The following UNC5D variants were observed in gnomAD, a reference collection of about 807,000 sequenced individuals.
The protein encoded by UNC5D is unc-5 netrin receptor D, also known as netrin receptor UNC5D.
Under a neutral mutation model 105.4 loss-of-function variants are expected in UNC5D, and 39 were observed. The observed-to-expected ratio is 0.37, with a 90% CI of 0.29 to 0.48. UNC5D has a LOEUF of 0.48. Among genes scored for constraint, UNC5D ranks in the 20% least tolerant of loss-of-function variants. The pLI is 0.98. For missense variants in UNC5D, 991 were observed against 1,202.4 expected (o/e 0.82, Z 2.60); for synonymous variants, 452 against 450.4 (o/e 1.00, Z -0.04).
In UNC5D at chr8:35,711,064, G is replaced by A. The variant is rs374289506; in HGVS notation, c.1117+5103G>A. On this transcript the variant is annotated intron_variant, in intron 8 of 16. Transcript: ENST00000404895. ...CGCCATTCTCCTGCCTCAGCCTCCCGAGTAGCTGGGATTACAGGCGTGAGC... is the reference window on the plus strand; with the variant it reads ...CGCCATTCTCCTGCCTCAGCCTCCCAAGTAGCTGGGATTACAGGCGTGAGC... 2.4e-4 allele frequency among the ~76,000 whole-genome samples: 29 copies of A among 118,450 alleles called. 2 individuals carry two copies. Among genetic ancestry groups the A allele is most frequent in the East Asian group, 1.9e-3 (7 of 3,646 alleles). 77.7% of individuals were successfully genotyped at this position (118,450 alleles called of 152,430 possible).
intron 1 of UNC5D, among the ~76,000 whole-genome samples, chr8:35,393,422 C>T (rs951866178): frequency 7.9e-5 from 12 of 151,974 alleles, no homozygotes; most frequent in East Asian, 1.9e-4. Flanking sequence ...CATGAGCCAC[C>T]GCGCCCGGCC....
chr8:35,283,993 G>A (rs1308136669), intron 1 of UNC5D, among the ~76,000 whole-genome samples: 2 of 152,086 alleles, frequency 1.3e-5, no homozygotes, highest in Non-Finnish European at 2.9e-5. Flanking sequence ...GTTTTAACAA[G>A]AGTAATTTCT....
chr8:35,401,838 C>T (rs990969578), intron 1 of UNC5D, among the ~76,000 whole-genome samples: 6 of 152,156 alleles, frequency 3.9e-5, no homozygotes, highest in African/African-American at 1.4e-4. Context: ...TTTCTGAAGC[C>T]TTCAAAAGAA....
intron 1 of UNC5D, among the ~76,000 whole-genome samples, chr8:35,326,949 ACAT>A (rs1810212466): frequency 6.6e-6 from 1 of 152,196 alleles, no homozygotes; most frequent in African/African-American, 2.4e-5. Context: ...CCCTGAGGTA[ACAT>A]CATATTTAAT....
chr8:35,412,602 T>C (rs1805248204), intron 1 of UNC5D, among the ~76,000 whole-genome samples: 1 of 152,040 alleles, frequency 6.6e-6, no homozygotes, highest in Non-Finnish European at 1.5e-5. Context: ...ATGATAAAAG[T>C]GTCATCTTCC....
chr8:35,418,239 C>T (rs1233085267), intron 1 of UNC5D, among the ~76,000 whole-genome samples: 1 of 152,106 alleles, frequency 6.6e-6, no homozygotes, highest in Non-Finnish European at 1.5e-5. Context: ...ATTTTGGTAA[C>T]CCCTGCCTCC....
intron 1 of UNC5D, among the ~76,000 whole-genome samples, chr8:35,272,881 C>T (rs1805516386): frequency 6.6e-6 from 1 of 152,174 alleles, no homozygotes; most frequent in African/African-American, 2.4e-5. Context: ...TGTGTAGTGC[C>T]TAGTGGGACT....
chr8:35,768,609 C>A (rs1483682859), intron 15 of UNC5D, among the ~76,000 whole-genome samples: 2 of 152,142 alleles, frequency 1.3e-5, no homozygotes, highest in Non-Finnish European at 2.9e-5. Context: ...TAAAGGCATC[C>A]AGATATTAGT....
chr8:35,620,524 C>G (rs762630281), intron 4 of UNC5D, among the ~76,000 whole-genome samples: 37 of 152,132 alleles, frequency 2.4e-4, no homozygotes, highest in African/African-American at 8.9e-4. Flanking sequence ...CCCTTACCCC[C>G]ACTGTTCCGA....
At chr8:35,325,178 A>G (rs147692790) in intron 1 of UNC5D, among the ~76,000 whole-genome samples, 11 of 152,326 alleles carry the variant, frequency 7.2e-5, no homozygotes, top group African/African-American at 2.6e-4. Flanking sequence ...ATCTATCAAT[A>G]AAGAATTTGG....
chr8:35,411,585 A>G (rs796800967), intron 1 of UNC5D, among the ~76,000 whole-genome samples: 9 of 152,258 alleles, frequency 5.9e-5, no homozygotes, highest in African/African-American at 1.9e-4. Flanking sequence ...GTTCTCATTT[A>G]GATCTCAGCT....
intron 1 of UNC5D, 142 bp downstream of exon 1, chr8:35,236,029 G>A: frequency 2.9e-6 from 2 of 700,152 alleles, no homozygotes; most frequent in African/African-American, 1.9e-5. Context: ...TGGGAGCCGA[G>A]TGGAGGACTC....
At chr8:35,772,617 C>T (rs994973700) in intron 15 of UNC5D, among the ~76,000 whole-genome samples, 8 of 152,150 alleles carry the variant, frequency 5.3e-5, no homozygotes, top group Middle Eastern at 3.2e-3. Context: ...GGAGTTTAAA[C>T]GTTCTAACTA....
chr8:35,436,577 T>C (rs767921928), intron 1 of UNC5D, among the ~76,000 whole-genome samples: 17 of 152,126 alleles, frequency 1.1e-4, no homozygotes, highest in Admixed American at 4.6e-4. Flanking sequence ...TTTCAAGAGT[T>C]GGCATTCAGT....
At chr8:35,630,245 T>A (rs567899513) in intron 4 of UNC5D, among the ~76,000 whole-genome samples, 1 of 152,362 alleles carries the variant, frequency 6.6e-6, no homozygotes, top group Admixed American at 6.5e-5. Context: ...TTTCAGCAAC[T>A]TGGGCCATAT....
intron 1 of UNC5D, among the ~76,000 whole-genome samples, chr8:35,326,980 G>A (rs545010605): frequency 2.6e-5 from 4 of 152,252 alleles, no homozygotes; most frequent in Admixed American, 2.6e-4. Flanking sequence ...AAGGTTTAGC[G>A]GTGGGGAGTT....
intron 1 of UNC5D, among the ~76,000 whole-genome samples, chr8:35,246,744 G>A (rs1376999413): frequency 6.6e-6 from 1 of 152,104 alleles, no homozygotes; most frequent in Non-Finnish European, 1.5e-5. Flanking sequence ...GTCATGTTTT[G>A]TTAAGAGATT....
At chr8:35,537,156 A>G (rs1198595777) in intron 1 of UNC5D, among the ~76,000 whole-genome samples, 11 of 152,250 alleles carry the variant, frequency 7.2e-5, no homozygotes, top group African/African-American at 2.7e-4. Context: ...TAAAACTTAA[A>G]TGATAAAAAT....
chr8:35,477,718 T>G (rs764705712), intron 1 of UNC5D, among the ~76,000 whole-genome samples: 4 of 152,116 alleles, frequency 2.6e-5, no homozygotes, highest in Non-Finnish European at 5.9e-5. Flanking sequence ...GATCGCATTT[T>G]TATTCTGTGA....
Sources: gnomAD v4.1 joint callset for allele counts (sites outside exome capture counted in the v4.1 genomes callset) on GRCh38, gnomAD v4.1.1 for gene constraint, MANE v1.5 for transcripts, NCBI Gene and HGNC (gene_info 2026-07-23, HGNC 2026-07-21) for gene names.